The following C10orf90 variants were observed in gnomAD, a reference collection of about 807,000 sequenced individuals.
The protein encoded by C10orf90 is (E2-independent) E3 ubiquitin-conjugating enzyme FATS.
C10orf90 carries 56 observed loss-of-function variants against 62.5 expected under a neutral mutation model. The ratio of observed to expected loss-of-function variants is 0.90; its 90% CI spans 0.72 to 1.12. C10orf90 has a LOEUF of 1.12. Ranked by LOEUF, C10orf90 falls within the 50% of genes most tolerant of loss-of-function variation. C10orf90 has a pLI of 0.00. For synonymous variants in C10orf90, 386 were observed against 340.4 expected, an observed-to-expected ratio of 1.13 and a Z score of -1.47; for missense variants, 970 against 880.4, an observed-to-expected ratio of 1.10 and a Z score of -1.29.
At chr10:126,620,488 A>T (rs1485561626) in intron 2 of C10orf90, among the ~76,000 whole-genome samples, 1 of 152,142 alleles carries the variant, frequency 6.6e-6, no homozygotes, top group Admixed American at 6.6e-5. Flanking sequence ...ATCAATTGTC[A>T]CTCATGTGAT....
At chr10:126,562,056 G>C (rs543483193) in intron 2 of C10orf90, among the ~76,000 whole-genome samples, 1 of 152,310 alleles carries the variant, frequency 6.6e-6, no homozygotes, top group South Asian at 2.1e-4. Context: ...CTGAAGTGCT[G>C]ACAGCGTTCT....
chr10:126,563,633 G>A (rs1007770625), intron 2 of C10orf90, among the ~76,000 whole-genome samples: 10 of 152,214 alleles, frequency 6.6e-5, no homozygotes, highest in Non-Finnish European at 1.3e-4. Flanking sequence ...AGGTGGCTAT[G>A]ATGAGCAAAT....
chr10:126,616,975 C>T (rs1044023913), intron 2 of C10orf90, among the ~76,000 whole-genome samples: 7 of 152,104 alleles, frequency 4.6e-5, no homozygotes, highest in Non-Finnish European at 1.0e-4. Context: ...TGAAAGACAA[C>T]GGGAGACAAA....
intron 3 of C10orf90, among the ~76,000 whole-genome samples, chr10:126,510,796 T>G (rs932463355): frequency 4.6e-5 from 7 of 152,262 alleles, no homozygotes; most frequent in Non-Finnish European, 8.8e-5. Flanking sequence ...ATTTATGCCT[T>G]GAGGTATTTC....
rs554465334 is a variant in C10orf90, at chr10:126,510,211, A to C, written c.405+3637T>G. 3.3e-5 allele frequency among the ~76,000 whole-genome samples: 5 copies of C among 152,146 alleles called. No individual in the cohort carries two copies. In the South Asian group the frequency reaches 1.0e-3, roughly 32 times the overall value. On this transcript the variant is annotated intron_variant, in intron 3 of 9. Coordinates refer to ENST00000488181, the MANE Select transcript of C10orf90 (RefSeq NM_001350921.2). ...GTAGAGGATAGGACTTCAACATATAAATTTAGTGGGGGTAGTGGGGGATGC... is the reference window on the plus strand; with the variant it reads ...GTAGAGGATAGGACTTCAACATATACATTTAGTGGGGGTAGTGGGGGATGC...
intron 4 of C10orf90, among the ~76,000 whole-genome samples, chr10:126,490,227 G>A (rs1409360751): frequency 3.4e-5 from 5 of 146,526 alleles, no homozygotes; most frequent in African/African-American, 5.0e-5. Context: ...CGCATGCAAC[G>A]GCATAAATGA....
chr10:126,497,803 C>G (rs1409004226), intron 4 of C10orf90, among the ~76,000 whole-genome samples: 3 of 152,192 alleles, frequency 2.0e-5, no homozygotes, highest in Non-Finnish European at 1.5e-5. Flanking sequence ...CAATGCATAA[C>G]TAAATTGGCA....
intron 5 of C10orf90, among the ~76,000 whole-genome samples, chr10:126,463,925 A>G (rs1326319657): frequency 3.5e-5 from 3 of 84,950 alleles, no homozygotes; most frequent in Non-Finnish European, 6.8e-5. Context: ...ATGAGAAGCT[A>G]GGGATTAACT....
At chr10:126,668,939 A>G (rs1846690536) in intron 1 of C10orf90, among the ~76,000 whole-genome samples, 1 of 152,226 alleles carries the variant, frequency 6.6e-6, no homozygotes, top group African/African-American at 2.4e-5. Flanking sequence ...GTGAAGTTTT[A>G]TATACGAAGA....
intron 2 of C10orf90, among the ~76,000 whole-genome samples, chr10:126,579,082 A>T (rs1302614437): frequency 1.3e-5 from 2 of 151,350 alleles, no homozygotes; most frequent in Non-Finnish European, 2.9e-5. Flanking sequence ...AAAAAAAAAA[A>T]CCTATCAGCT....
At chr10:126,592,042 CAG>C (rs969652251) in intron 2 of C10orf90, among the ~76,000 whole-genome samples, 110 of 152,102 alleles carry the variant, frequency 7.2e-4, no homozygotes, top group Non-Finnish European at 1.3e-3. Context: ...TCAAGGAAAT[CAG>C]AGAGGACACA....
At chr10:126,570,167 T>C (rs1844477036) in intron 2 of C10orf90, among the ~76,000 whole-genome samples, 1 of 152,252 alleles carries the variant, frequency 6.6e-6, no homozygotes, top group Admixed American at 6.5e-5. Flanking sequence ...TATGCTGCAC[T>C]ATCTCTCTGC....
intron 7 of C10orf90, among the ~76,000 whole-genome samples, chr10:126,452,918 T>A (rs1202710798): frequency 6.6e-6 from 1 of 152,194 alleles, no homozygotes; most frequent in Non-Finnish European, 1.5e-5. Flanking sequence ...AAAGGCTATA[T>A]GGAGAATGAG....
intron 5 of C10orf90, among the ~76,000 whole-genome samples, chr10:126,462,971 G>C (rs2133733429): frequency 6.6e-6 from 1 of 152,224 alleles, no homozygotes; most frequent in African/African-American, 2.4e-5. Context: ...ATTTTTCTGA[G>C]CATTTGCTCT....
At chr10:126,469,960 T>A (rs1482096715) in intron 4 of C10orf90, 1 of 456,734 alleles carries the variant, frequency 2.2e-6, no homozygotes, top group Admixed American at 2.3e-5. Context: ...ATAAATACGT[T>A]GCATGCTGCG....
intron 8 of C10orf90, among the ~76,000 whole-genome samples, chr10:126,429,452 G>A (rs80343891): frequency 6.6e-6 from 1 of 152,214 alleles, no homozygotes; most frequent in Admixed American, 6.5e-5. Flanking sequence ...ACCTTCAAAG[G>A]TGCAGTGACA....
intron 2 of C10orf90, among the ~76,000 whole-genome samples, chr10:126,580,962 T>G (rs1393910086): frequency 1.3e-5 from 2 of 152,028 alleles, no homozygotes; most frequent in Admixed American, 6.5e-5. Context: ...CCAACAGTCA[T>G]GACTGACATC....
intron 2 of C10orf90, among the ~76,000 whole-genome samples, chr10:126,551,841 A>C (rs1864640169): frequency 6.6e-6 from 1 of 152,262 alleles, no homozygotes. Flanking sequence ...ACAAAGTAGC[A>C]GCTATGTGTC....
At chr10:126,553,244 G>A (rs1864679432) in intron 2 of C10orf90, among the ~76,000 whole-genome samples, 1 of 152,042 alleles carries the variant, frequency 6.6e-6, no homozygotes, top group African/African-American at 2.4e-5. Flanking sequence ...ATGGAGAAAG[G>A]ATATTTACAA....
Sources: gnomAD v4.1 joint callset for allele counts (sites outside exome capture counted in the v4.1 genomes callset) on GRCh38, gnomAD v4.1.1 for gene constraint, MANE v1.5 for transcripts, NCBI Gene and HGNC (gene_info 2026-07-23, HGNC 2026-07-21) for gene names.